PCSK5: variants seen among roughly 807,000 people sequenced by gnomAD.
PCSK5 encodes the protein prohormone convertase 5.
A neutral mutation model predicts 233.2 loss-of-function variants in PCSK5; 129 were observed. The observed-to-expected ratio is 0.55, with a 90% CI of 0.48 to 0.64. The LOEUF is 0.64. Ranked by LOEUF, PCSK5 falls within the 30% of genes least tolerant of loss-of-function variation. PCSK5 has a pLI of 0.00. For synonymous variants in PCSK5, 825 were observed against 879.2 expected (o/e 0.94, Z 1.09); for missense variants, 2,076 against 2,430.1 (o/e 0.85, Z 3.06).
At chr9:76,019,963 C>T (rs796387258) in intron 3 of PCSK5, among the ~76,000 whole-genome samples, 68 of 152,238 alleles carry the variant, frequency 4.5e-4, no homozygotes, top group African/African-American at 1.4e-3. Context: ...AAAATACCTA[C>T]ATTTACTATA....
At position 76,358,550 on chromosome 9, in the gene PCSK5, A is replaced by C; in HGVS notation, c.5292A>C (p.Ala1764=). The change falls in exon 38 of 38, where the codon GCA becomes GCC. Residue 1764 remains alanine, a synonymous_variant. Coordinates refer to ENST00000674117, the MANE Select transcript of PCSK5 (RefSeq NM_001372043.1). ...TTCGAACAAGCAAGGTTAGGCCTGC[A>C]ACTGAGCATTTCAAGACAGCTCTGT... is the stretch of plus-strand genomic sequence containing the variant. ...CILRTSKVRP[A]TEHFKTALFI... is the part of the protein sequence containing the mutation. The C allele has an allele frequency of 1.9e-6, 3 of 1,612,788 alleles. No homozygotes were observed. In the South Asian group the frequency reaches 3.3e-5, roughly 18 times the overall value.
chr9:75,902,251 A>C (rs1312253088), intron 1 of PCSK5, among the ~76,000 whole-genome samples: 3 of 146,622 alleles, frequency 2.0e-5, no homozygotes, highest in Non-Finnish European at 4.5e-5. Context: ...AAAGAAAAGG[A>C]CAAAACAAGG....
chr9:75,987,332 C>T (rs1351032862), intron 3 of PCSK5, among the ~76,000 whole-genome samples: 2 of 152,134 alleles, frequency 1.3e-5, no homozygotes, highest in Non-Finnish European at 2.9e-5. Context: ...CTCTTGGACC[C>T]TCTCCCTGCT....
chr9:76,083,475 G>A (rs1830936127), intron 7 of PCSK5, among the ~76,000 whole-genome samples: 2 of 152,184 alleles, frequency 1.3e-5, no homozygotes, highest in African/African-American at 2.4e-5. Flanking sequence ...CCATTGTCAA[G>A]GATGGTCAAG....
intron 2 of PCSK5, among the ~76,000 whole-genome samples, chr9:75,940,117 T>C (rs1321556170): frequency 1.3e-5 from 2 of 152,202 alleles, no homozygotes; most frequent in African/African-American, 2.4e-5. Context: ...TTCAGATCTG[T>C]TTGAACATTT....
chr9:76,127,749 AATC>A (rs1301131937), intron 9 of PCSK5, among the ~76,000 whole-genome samples: 4 of 152,178 alleles, frequency 2.6e-5, no homozygotes. Context: ...AATCTCAATA[AATC>A]ATCATGACGC....
chr9:76,169,275 G>A (rs900023536), intron 12 of PCSK5, among the ~76,000 whole-genome samples: 34 of 152,260 alleles, frequency 2.2e-4, no homozygotes, highest in African/African-American at 8.2e-4. Context: ...GTAGGAGGAG[G>A]ATTGTTGAGT....
chr9:76,223,369 A>G (rs74671583), intron 20 of PCSK5, among the ~76,000 whole-genome samples: 12,673 of 152,260 alleles, frequency 0.083, 686 homozygotes, highest in Admixed American at 0.13. Context: ...CTTATGTTGT[A>G]ACTTTGGATG....
chr9:75,972,683 A>G lies in PCSK5; in HGVS notation c.298-13449A>G, dbSNP rs374630353. Among the ~76,000 whole-genome samples, 103 of 152,006 alleles carry G rather than the reference A, an allele frequency of 6.8e-4. 3 individuals carry two copies. In the South Asian group the frequency reaches 0.02, roughly 30 times the overall value. On this transcript the variant is annotated intron_variant, in intron 2 of 37. Coordinates refer to ENST00000674117, the MANE Select transcript of PCSK5 (RefSeq NM_001372043.1). The stretch of plus-strand genomic sequence containing the variant: ...TAATGATTTAGCTCTCTGCTTGTCT[A>G]TTGTTGTGTATAGGAATGCTTGTGA...
intron 2 of PCSK5, among the ~76,000 whole-genome samples, chr9:75,952,279 TA>T (rs1481955388): frequency 1.3e-5 from 2 of 152,212 alleles, no homozygotes; most frequent in East Asian, 3.8e-4. Context: ...GTCTTAAGCA[TA>T]AGGTCTTTGA....
At chr9:76,325,672 G>C (rs1379288408) in intron 32 of PCSK5, among the ~76,000 whole-genome samples, 1 of 144,958 alleles carries the variant, frequency 6.9e-6, no homozygotes, top group Non-Finnish European at 1.5e-5. Context: ...TTTTGCTCTC[G>C]TTGCTGCCAG....
chr9:76,225,757 T>C (rs1422759364), intron 20 of PCSK5, among the ~76,000 whole-genome samples: 1 of 152,204 alleles, frequency 6.6e-6, no homozygotes, highest in Non-Finnish European at 1.5e-5. Flanking sequence ...TTTTTCTGTC[T>C]CAGGGCTACT....
chr9:76,019,106 T>TTTATC (rs1258001520), intron 3 of PCSK5, among the ~76,000 whole-genome samples: 4 of 152,342 alleles, frequency 2.6e-5, no homozygotes, highest in Non-Finnish European at 5.9e-5. Context: ...TCTCATTTTC[T>TTTATC]TTATCTGTTA....
At chr9:76,175,970 CAT>C (rs925599307) in intron 14 of PCSK5, among the ~76,000 whole-genome samples, 2 of 151,940 alleles carry the variant, frequency 1.3e-5, no homozygotes, top group Admixed American at 6.6e-5. Context: ...TTGCTGAAAA[CAT>C]ATTCTCACTT....
chr9:75,948,701 G>A (rs1027454898), intron 2 of PCSK5, among the ~76,000 whole-genome samples: 1 of 152,084 alleles, frequency 6.6e-6, no homozygotes, highest in South Asian at 2.1e-4. Context: ...GGGTCAAATG[G>A]TATTTCTAGT....
intron 12 of PCSK5, among the ~76,000 whole-genome samples, chr9:76,162,084 G>T (rs905442747): frequency 1.3e-5 from 2 of 152,146 alleles, no homozygotes; most frequent in African/African-American, 4.8e-5. Context: ...CCCAAGAGAT[G>T]TAAAGGATAT....
At chr9:76,059,771 A>T (rs997448627) in intron 5 of PCSK5, among the ~76,000 whole-genome samples, 2 of 152,158 alleles carry the variant, frequency 1.3e-5, no homozygotes, top group African/African-American at 4.8e-5. Context: ...GAAATTTTTT[A>T]AATTCTAAAA....
At chr9:76,198,557 C>T (rs778187482) in intron 20 of PCSK5, among the ~76,000 whole-genome samples, 2 of 152,116 alleles carry the variant, frequency 1.3e-5, no homozygotes, top group Non-Finnish European at 2.9e-5. Context: ...AACACTGATT[C>T]CTTTTTAAGA....
chr9:75,913,563 G>A (rs1217705187), intron 1 of PCSK5, among the ~76,000 whole-genome samples: 1 of 152,152 alleles, frequency 6.6e-6, no homozygotes, highest in Non-Finnish European at 1.5e-5. Context: ...GCTCCAGGCT[G>A]CATATTTATG....
Sources: allele counts gnomAD v4.1 joint callset (sites outside exome capture counted in the v4.1 genomes callset), GRCh38; gene constraint gnomAD v4.1.1; transcripts MANE v1.5; gene names NCBI Gene and HGNC (gene_info 2026-07-23, HGNC 2026-07-21).